The following XYLB variants were observed in gnomAD, a reference collection of about 807,000 sequenced individuals.
XYLB encodes xylulokinase.
XYLB carries 62 observed loss-of-function variants against 78.7 expected under a neutral mutation model. The observed-to-expected ratio is 0.79, with a 90% CI of 0.64 to 0.97. The LOEUF is 0.97. XYLB is among the 50% of genes least tolerant of loss of function. XYLB has a pLI of 0.00. For missense variants in XYLB, 687 were observed against 676.8 expected, an observed-to-expected ratio of 1.02 and a Z score of -0.17; for synonymous variants, 245 against 247.4, an observed-to-expected ratio of 0.99 and a Z score of 0.09.
chr3:38,383,345 C>A (rs937797474), intron 15 of XYLB, among the ~76,000 whole-genome samples: 2 of 152,144 alleles, frequency 1.3e-5, no homozygotes, highest in African/African-American at 4.8e-5. Flanking sequence ...CAATCGCCCT[C>A]TTGATGTTTA....
Position 38,348,565 on chromosome 3 carries a change from G to C in XYLB, c.73G>C (p.Val25Leu), listed in dbSNP as rs146134427. ...TGCCTTTCAGGTAAAGGTTGTTGCT[G>C]TTGATGCAGAGTTGAATGTCTTCTA... ...FSTQQVKVVAVDAELNVFYEE... is the reference protein window; with the variant it reads ...FSTQQVKVVALDAELNVFYEE... Residue 25 changes from valine to leucine, a missense_variant, in exon 2 of 19, where the codon GTT (valine) becomes CTT (leucine). Physicochemically the swap from Val to Leu is conservative, Grantham distance 32. Coordinates refer to ENST00000207870, the MANE Select transcript of XYLB (RefSeq NM_005108.4). 0.013 allele frequency: 20,510 copies of C among 1,614,126 alleles called. 169 individuals carry two copies. Among genetic ancestry groups the C allele is most frequent in the Non-Finnish European group, 0.015 (18,273 of 1,179,962 alleles).
chr3:38,452,224 G>A, the XYLB span: 1 of 152,114 alleles, frequency 6.6e-6, no homozygotes, highest in African/African-American at 2.4e-5. Flanking sequence ...AAATGGCTTA[G>A]ATAATAAGTC....
the XYLB span, among the ~76,000 whole-genome samples, chr3:38,438,335 C>G: frequency 6.6e-6 from 1 of 152,052 alleles, no homozygotes; most frequent in Non-Finnish European, 1.5e-5. Context: ...TGGAAAATTA[C>G]AAGAAACCAA....
At chr3:38,437,035 T>G in the XYLB span, among the ~76,000 whole-genome samples, 1 of 145,260 alleles carries the variant, frequency 6.9e-6, no homozygotes, top group African/African-American at 2.5e-5. Flanking sequence ...ATAATAATAA[T>G]AATAATAATA....
intron 17 of XYLB, 83 bp from the exon 18 acceptor site, chr3:38,400,808 C>T (rs1708090358): frequency 8.6e-7 from 1 of 1,161,756 alleles, no homozygotes; most frequent in East Asian, 2.4e-5. Flanking sequence ...CAGTTTGCCA[C>T]CCCAGTGAGA....
intron 2 of XYLB, 94 bp from the exon 3 acceptor site, chr3:38,360,245 C>T: frequency 8.4e-7 from 1 of 1,194,758 alleles, no homozygotes; most frequent in Non-Finnish European, 1.3e-6. Context: ...TTCATCTGGA[C>T]ATTTCCAGAG....
chr3:38,433,521 GCT>G, the XYLB span, among the ~76,000 whole-genome samples: 1 of 152,122 alleles, frequency 6.6e-6, no homozygotes, highest in South Asian at 2.1e-4. Context: ...TCCTTTGAAC[GCT>G]TTGTCAATTA....
chr3:38,402,641 A>G (rs1454721915), intron 18 of XYLB, among the ~76,000 whole-genome samples: 2 of 152,122 alleles, frequency 1.3e-5, no homozygotes, highest in Admixed American at 6.5e-5. Context: ...TTGTCTCCAG[A>G]CCTCTGTTTG....
intron 15 of XYLB, among the ~76,000 whole-genome samples, chr3:38,391,231 CAACAACAAAA>C (rs1424283057): frequency 9.4e-4 from 1 of 1,066 alleles, no homozygotes; most frequent in Non-Finnish European, 0.01. Flanking sequence ...ACAACAACAA[CAACAACAAAA>C]AAAAAGAAGA....
At chr3:38,368,781 G>A (rs1706391458) in intron 8 of XYLB, among the ~76,000 whole-genome samples, 1 of 152,172 alleles carries the variant, frequency 6.6e-6, no homozygotes, top group Admixed American at 6.5e-5. Context: ...TCACACACTA[G>A]GTACGGTTGA....
chr3:38,395,734 G>A lies in XYLB; in HGVS notation c.1350+171G>A, dbSNP rs562569973. The stretch of plus-strand genomic sequence containing the variant: ...TTGCCTTACAGCTCACACTGTGAGT[G>A]GGATCTGTCTCACATGCAGGTGAAT... On this transcript the variant is annotated intron_variant, in intron 16 of 18. Coordinates refer to ENST00000207870, the MANE Select transcript of XYLB (RefSeq NM_005108.4). 5.3e-5 allele frequency among the ~76,000 whole-genome samples: 8 copies of A among 152,300 alleles called. No individual in the cohort carries two copies. The South Asian group carries it at 1.4e-3, about 28-fold the overall frequency.
the XYLB span, among the ~76,000 whole-genome samples, chr3:38,441,020 G>C: frequency 6.7e-6 from 1 of 149,014 alleles, no homozygotes; most frequent in Non-Finnish European, 1.5e-5. Context: ...TTCTCTCTTT[G>C]ACTTTCTGCT....
intron 15 of XYLB, among the ~76,000 whole-genome samples, chr3:38,393,445 C>T (rs1321714259): frequency 1.3e-5 from 2 of 152,324 alleles, no homozygotes; most frequent in East Asian, 3.9e-4. Context: ...GGCACCTGAC[C>T]TGCACTCCTG....
the XYLB span, among the ~76,000 whole-genome samples, chr3:38,440,286 TTAA>T: frequency 6.6e-6 from 1 of 152,246 alleles, no homozygotes; most frequent in Non-Finnish European, 1.5e-5. Context: ...TTCTTTGCTA[TTAA>T]TAAGACCTCG....
chr3:38,359,510 A>T lies in XYLB; in HGVS notation c.141-829A>T, dbSNP rs186992426. Among the ~76,000 whole-genome samples, 500 of 152,368 alleles carry T rather than the reference A, an allele frequency of 3.3e-3. 2 individuals carry two copies. The highest frequency in any genetic ancestry group is 0.02 in the Middle Eastern group (6 of 294). On this transcript the variant is annotated intron_variant, in intron 2 of 18. Transcript: ENST00000207870. ...ACCACTGATCTCCTTTTCTCAGTAT[A>T]GATGAATTTGCGTCTTCTAGTCTGT...
intron 2 of XYLB, among the ~76,000 whole-genome samples, chr3:38,349,227 T>C (rs1455947789): frequency 6.6e-6 from 1 of 152,214 alleles, no homozygotes; most frequent in African/African-American, 2.4e-5. Context: ...GGTTCATTCC[T>C]TCATGCAATT....
chr3:38,363,661 T>A (rs568930418), intron 4 of XYLB, among the ~76,000 whole-genome samples: 1 of 152,180 alleles, frequency 6.6e-6, no homozygotes, highest in South Asian at 2.1e-4. Context: ...TGTCATAGGG[T>A]CATTGTGAGT....
chr3:38,382,161 A>T (rs1426664316), intron 15 of XYLB, among the ~76,000 whole-genome samples: 2 of 152,140 alleles, frequency 1.3e-5, no homozygotes, highest in Non-Finnish European at 2.9e-5. Context: ...GTTCCCCGAT[A>T]ATGGTGAAAC....
intron 15 of XYLB, among the ~76,000 whole-genome samples, chr3:38,391,105 T>A (rs768506723): frequency 2.6e-5 from 4 of 152,042 alleles, no homozygotes; most frequent in Non-Finnish European, 5.9e-5. Flanking sequence ...TATAGCCTAC[T>A]CAGGAGGCTG....
Sources: gnomAD v4.1 joint callset for allele counts (sites outside exome capture counted in the v4.1 genomes callset) on GRCh38, gnomAD v4.1.1 for gene constraint, MANE v1.5 for transcripts, NCBI Gene and HGNC (gene_info 2026-07-23, HGNC 2026-07-21) for gene names.